The following FYB2 variants were observed in gnomAD, a reference collection of about 807,000 sequenced individuals.
FYB2 encodes FYN binding protein 2.
Under a neutral mutation model 94.1 loss-of-function variants are expected in FYB2, and 103 were observed. The observed-to-expected ratio is 1.09, with a 90% CI of 0.93 to 1.29. The LOEUF is 1.29. Ranked by LOEUF, FYB2 falls within the 50% of genes most tolerant of loss-of-function variation. The probability of loss-of-function intolerance (pLI) is 0.00; values close to 1 mark genes in which losing one functional copy is unlikely to be tolerated. For missense variants in FYB2, 896 were observed against 841.5 expected, an observed-to-expected ratio of 1.06 and a Z score of -0.80; for synonymous variants, 293 against 287.9, an observed-to-expected ratio of 1.02 and a Z score of -0.18.
chr1:56,821,962 C>G (rs780348790), upstream of FYB2, among the ~76,000 whole-genome samples: 6 of 152,140 alleles, frequency 3.9e-5, no homozygotes, highest in African/African-American at 9.7e-5. Flanking sequence ...ATAAATATTT[C>G]AATTCAGTAA....
intron 11 of FYB2, among the ~76,000 whole-genome samples, chr1:56,743,553 G>C (rs1227913016): frequency 1.3e-5 from 2 of 151,990 alleles, no homozygotes; most frequent in African/African-American, 2.4e-5. Flanking sequence ...ATATCCTGCT[G>C]TTGGAGCTTG....
Position 56,718,919 on chromosome 1 carries a change from A to C in FYB2, c.*752T>G, listed in dbSNP as rs912464606. On this transcript the variant is annotated 3_prime_UTR_variant, in exon 20 of 20. Coordinates refer to ENST00000343433, the MANE Select transcript of FYB2 (RefSeq NM_001004303.5). ...TCCATATAAATGAAAGTACATATGA[A>C]TGCTATTATTTGAATAGTTATTTGG... is the stretch of plus-strand genomic sequence containing the variant. 1 of 152,630 alleles carries C rather than the reference A, an allele frequency of 6.6e-6. No homozygotes were observed. Among genetic ancestry groups the C allele is most frequent in the Non-Finnish European group, 1.5e-5 (1 of 68,020 alleles). 9.5% of individuals were successfully genotyped at this position (152,630 alleles called of 1,614,324 possible).
intron 6 of FYB2, among the ~76,000 whole-genome samples, chr1:56,757,324 C>A (rs1026478390): frequency 6.6e-6 from 1 of 152,006 alleles, no homozygotes; most frequent in African/African-American, 2.4e-5. Context: ...AGTGTATCCA[C>A]AAATGAATAA....
At chr1:56,758,607 G>A in intron 6 of FYB2, 109 bp downstream of exon 6, 3 of 878,058 alleles carry the variant, frequency 3.4e-6, no homozygotes, top group Non-Finnish European at 5.0e-6. Flanking sequence ...AGAAATAGGA[G>A]GAAAAATGAA....
chr1:56,777,744 G>C (rs80193045), intron 4 of FYB2, among the ~76,000 whole-genome samples: 2 of 151,790 alleles, frequency 1.3e-5, no homozygotes, highest in African/African-American at 4.8e-5. Context: ...CTGCCTCTTC[G>C]CTTCTGTCCA....
Position 56,753,928 on chromosome 1 carries a change from G to T in FYB2, c.1138C>A (p.His380Asn). The change falls in exon 8 of 20, where the codon CAT (histidine) becomes AAT (asparagine). Residue 380 changes from histidine (H) to asparagine (N), a missense_variant. By Grantham distance (68) the His-to-Asn change is moderately conservative. Transcript: ENST00000343433. ...NFPYPEPSAK[H>N]EDKKMKEKQP... The stretch of plus-strand genomic sequence containing the variant: ...TTTTCCTTCATTTTTTTATCTTCAT[G>T]TTTAGCACTGAAATGTGAAGAGATA... 1 of 1,592,830 alleles carries T rather than the reference G, an allele frequency of 6.3e-7. No homozygotes were observed. Among genetic ancestry groups the T allele is most frequent in the Non-Finnish European group, 8.6e-7 (1 of 1,167,354 alleles).
Position 56,751,116 on chromosome 1 carries a change from C to A in FYB2, c.1315G>T (p.Ala439Ser). ...RRNMLAGKQEAMIDIIQTNPC... is the reference protein window; with the variant it reads ...RRNMLAGKQESMIDIIQTNPC... ...TTTGTCTGGATGATGTCAATCATGG[C>A]CTCTTGCTTTCCAGCCAACATGTTC... Residue 439 changes from alanine to serine, a missense_variant, in exon 9 of 20, where the codon GCC becomes TCC. Ala to Ser is a moderately conservative substitution (Grantham distance 99, BLOSUM62 1). Coordinates refer to ENST00000343433, the MANE Select transcript of FYB2 (RefSeq NM_001004303.5). The A allele has an allele frequency of 1.9e-6, 3 of 1,612,852 alleles. No homozygotes were observed. In the South Asian group the frequency reaches 3.3e-5, roughly 18 times the overall value.
chr1:56,779,472 C>G (rs1467838165), intron 4 of FYB2, among the ~76,000 whole-genome samples: 3 of 152,134 alleles, frequency 2.0e-5, no homozygotes, highest in African/African-American at 7.2e-5. Context: ...GGCAGTAGCC[C>G]TTACCTAATA....
At chr1:56,736,154 A>AT (rs533017295) in intron 15 of FYB2, among the ~76,000 whole-genome samples, 9 of 151,862 alleles carry the variant, frequency 5.9e-5, no homozygotes, top group South Asian at 2.1e-4. Flanking sequence ...AAAAACTAGT[A>AT]TTTTTTTTCC....
At chr1:56,819,047 C>T (rs1428744061) in intron 1 of FYB2, among the ~76,000 whole-genome samples, 1 of 152,174 alleles carries the variant, frequency 6.6e-6, no homozygotes, top group Non-Finnish European at 1.5e-5. Flanking sequence ...TCCTCAGCAC[C>T]TCCTGTCCCC....
At chr1:56,737,696 C>A (rs983485245) in intron 14 of FYB2, 5 of 152,132 alleles carry the variant, frequency 3.3e-5, no homozygotes, top group Non-Finnish European at 1.5e-5. Context: ...TATTCACATT[C>A]CTTGGCACTC....
rs1570050687 is a variant in FYB2 at position 56,762,992 on chromosome 1, C to T, written c.1064-4242G>A. On this transcript the variant is annotated intron_variant, in intron 5 of 19. Transcript: ENST00000343433. ...GTATTTTGTTAAATTATTTTCTGCA[C>T]AGATTGTCTAATTTTTCTTCTTTAT... 2.0e-5 allele frequency among the ~76,000 whole-genome samples: 3 copies of T among 152,126 alleles called. No individual in the cohort carries two copies. The South Asian group carries it at 6.2e-4, about 32-fold the overall frequency.
chr1:56,781,415 A>G (rs935600512), intron 4 of FYB2, among the ~76,000 whole-genome samples: 1 of 152,184 alleles, frequency 6.6e-6, no homozygotes, highest in Non-Finnish European at 1.5e-5. Flanking sequence ...TTAATCCGTC[A>G]ACTTTTTTAT....
At chr1:56,788,914 A>T in intron 3 of FYB2, 59 bp downstream of exon 3, 1 of 1,589,782 alleles carries the variant, frequency 6.3e-7, no homozygotes, top group Non-Finnish European at 8.6e-7. Flanking sequence ...CTGGGAGAGG[A>T]TGTGGAGACG....
intron 4 of FYB2, among the ~76,000 whole-genome samples, chr1:56,784,606 A>T (rs2100922107): frequency 6.6e-6 from 1 of 152,228 alleles, no homozygotes; most frequent in Middle Eastern, 3.4e-3. Flanking sequence ...ATCCAACCTC[A>T]TCTCTTAATT....
Position 56,726,553 on chromosome 1 carries a change from G to C in FYB2, c.1824C>G (p.Pro608=). 1 of 1,611,566 alleles carries C rather than the reference G, an allele frequency of 6.2e-7. No homozygotes were observed. The highest frequency in any genetic ancestry group is 8.5e-7 in the Non-Finnish European group (1 of 1,178,700). ...TTTTTTCCTTTGGTGTCAGAAACTT[G>C]GGCTTCCACATTTTCAGTTTATCTT... ...KDEDKLKMWK[P]KFLTPKEKKE... is the part of the protein sequence containing the mutation. The change falls in exon 16 of 20, where the codon CCC becomes CCG. Residue 608 remains proline, a synonymous_variant. Coordinates refer to ENST00000343433, the MANE Select transcript of FYB2 (RefSeq NM_001004303.5).
chr1:56,806,044 C>T (rs901450317), intron 1 of FYB2, among the ~76,000 whole-genome samples: 1 of 152,200 alleles, frequency 6.6e-6, no homozygotes, highest in Non-Finnish European at 1.5e-5. Flanking sequence ...TGTTTCCTCT[C>T]ATCTTTTCCA....
Position 56,753,855 on chromosome 1 carries a change from G to A in FYB2, c.1211C>T (p.Ser404Leu). The change falls in exon 8 of 20, where the codon TCA (serine) becomes TTA (leucine). Residue 404 changes from serine to leucine, a missense_variant. Coordinates refer to ENST00000343433, the MANE Select transcript of FYB2 (RefSeq NM_001004303.5). Reference sequence around the variant, plus strand: ...CATAGGTACCTTGAAAACATGGTTTGAATATGGTTCCTTTTCTGTGTTTTT... The same window carrying A: ...CATAGGTACCTTGAAAACATGGTTTAAATATGGTTCCTTTTCTGTGTTTTT... Reference protein sequence around the residue: ...KPKNTEKEPYSNHVFKVDACE... With the variant: ...KPKNTEKEPYLNHVFKVDACE... 1 of 1,607,912 alleles carries A rather than the reference G, an allele frequency of 6.2e-7. No homozygotes were observed. Among genetic ancestry groups the A allele is most frequent in the Non-Finnish European group, 8.5e-7 (1 of 1,174,870 alleles).
chr1:56,787,351 C>T, intron 3 of FYB2, 143 bp from the exon 4 acceptor site: 1 of 919,722 alleles, frequency 1.1e-6, no homozygotes, highest in East Asian at 2.6e-5. Context: ...TACCTCCACC[C>T]CAGCACCCAG....
Sources: allele counts gnomAD v4.1 joint callset (sites outside exome capture counted in the v4.1 genomes callset), GRCh38; gene constraint gnomAD v4.1.1; transcripts MANE v1.5; gene names NCBI Gene and HGNC (gene_info 2026-07-23, HGNC 2026-07-21).